Variants in BCL11A observed in about 807,000 individuals in gnomAD.
The protein encoded by BCL11A is B cell CLL/lymphoma 11A.
A neutral mutation model predicts 55.9 loss-of-function variants in BCL11A; 2 were observed. The observed-to-expected ratio is 0.04, with a 90% confidence interval of 0.01 to 0.11. BCL11A has a LOEUF of 0.11. Among genes scored for constraint, BCL11A ranks in the 10% least tolerant of loss-of-function variants. The probability of loss-of-function intolerance (pLI) is 1.00; values close to 1 mark genes in which losing one functional copy is unlikely to be tolerated. For missense variants in BCL11A, 817 were observed against 1,137.1 expected (o/e 0.72, Z 4.05); for synonymous variants, 465 against 473.4 (o/e 0.98, Z 0.23).
chr2:60,461,324 G>GCGAGAA lies in BCL11A; in HGVS notation c.1587_1588insTTCTCG (p.Ser529_Arg530insPheSer), dbSNP rs1280615138. On this transcript the variant is annotated inframe_insertion, in exon 4 of 4. Coordinates refer to ENST00000642384, the MANE Select transcript of BCL11A (RefSeq NM_022893.4). ...TCGCCCACGCCCACGACCGCGCCCC[G>GCGAGAA]CGAGCTGTTCTCGTGGTGGCGCGCC... is the stretch of plus-strand genomic sequence containing the variant. 1 of 1,598,940 alleles carries GCGAGAA rather than the reference G, an allele frequency of 6.3e-7. No homozygotes were observed. Among genetic ancestry groups the GCGAGAA allele is most frequent in the Non-Finnish European group, 8.5e-7 (1 of 1,177,542 alleles).
At chr2:60,528,809 T>G (rs1669320720) in intron 2 of BCL11A, among the ~76,000 whole-genome samples, 1 of 139,898 alleles carries the variant, frequency 7.1e-6, no homozygotes, top group Admixed American at 6.8e-5. Flanking sequence ...AGACACATGG[T>G]AATAATGACA....
Position 60,458,290 on chromosome 2 carries a change from A to G in BCL11A, c.*2114T>C. Reference sequence around the variant, plus strand: ...CCAATGTATGTTTTTTTTTTTTACAACCTGAAGAGCGGTGTGTATCCAAGG... The same window carrying G: ...CCAATGTATGTTTTTTTTTTTTACAGCCTGAAGAGCGGTGTGTATCCAAGG... On this transcript the variant is annotated 3_prime_UTR_variant, in exon 4 of 4. Coordinates refer to ENST00000642384, the MANE Select transcript of BCL11A (RefSeq NM_022893.4). The G allele has an allele frequency of 9.7e-7, 1 of 1,026,394 alleles. No individual in the cohort carries two copies. Among genetic ancestry groups the G allele is most frequent in the Non-Finnish European group, 1.2e-6 (1 of 854,214 alleles). The allele number at this position is 1,026,394 out of a possible 1,614,324, so 63.6% of individuals were successfully genotyped here.
Position 60,459,859 on chromosome 2 carries a change from A to T in BCL11A, c.*545T>A. 2.9e-6 allele frequency: 3 copies of T among 1,046,686 alleles called. No homozygotes were observed. Among genetic ancestry groups the T allele is most frequent in the Non-Finnish European group, 3.5e-6 (3 of 867,428 alleles). 64.8% of individuals were successfully genotyped at this position (1,046,686 alleles called of 1,614,324 possible). A position where few individuals can be genotyped will look rare whatever the true frequency, so the allele number is the denominator to read the frequency against. ...CTGTCTATAGAGGGTTAATCCAAAG[A>T]CTGTTTTTCCTCCTCACGTTATAAA... is the stretch of plus-strand genomic sequence containing the variant. On this transcript the variant is annotated 3_prime_UTR_variant, in exon 4 of 4. Transcript: ENST00000642384.
At chr2:60,536,082 T>A (rs1669657075) in intron 2 of BCL11A, 1 of 152,154 alleles carries the variant, frequency 6.6e-6, no homozygotes. Flanking sequence ...CTATCTCAGC[T>A]GGTGTGCAAG....
intron 2 of BCL11A, among the ~76,000 whole-genome samples, chr2:60,472,827 T>TAA: frequency 6.6e-6 from 1 of 152,248 alleles, no homozygotes; most frequent in East Asian, 1.9e-4. Flanking sequence ...AATCAACAGG[T>TAA]AATACTGCAG....
chr2:60,493,657 T>C (rs979092762), intron 2 of BCL11A, among the ~76,000 whole-genome samples: 2 of 152,062 alleles, frequency 1.3e-5, no homozygotes, highest in African/African-American at 4.8e-5. Context: ...CCCCACTAGC[T>C]CAGAAATGGA....
chr2:60,457,743 G>A lies in BCL11A; in HGVS notation c.*2661C>T, dbSNP rs1676012886. On this transcript the variant is annotated 3_prime_UTR_variant, in exon 4 of 4. Transcript: ENST00000642384. ...TGAAGGTAAGATGCTGGAATGTAGG[G>A]TGATAGAAGGAAAGGGACAAAAAGC... 4 of 1,034,966 alleles carry A rather than the reference G, an allele frequency of 3.9e-6. No individual in the cohort carries two copies. The highest frequency in any genetic ancestry group is 5.7e-5 in the Admixed American group (1 of 17,580). The allele number at this position is 1,034,966 out of a possible 1,614,324, so 64.1% of individuals were successfully genotyped here. A position where few individuals can be genotyped will look rare whatever the true frequency, so the allele number is the denominator to read the frequency against.
At chr2:60,497,440 G>T (rs1203239868) in intron 2 of BCL11A, among the ~76,000 whole-genome samples, 1 of 152,118 alleles carries the variant, frequency 6.6e-6, no homozygotes, top group African/African-American at 2.4e-5. Context: ...GCAGGCCAAG[G>T]ATATATGAGA....
chr2:60,470,531 T>A (rs1677139774), intron 2 of BCL11A, among the ~76,000 whole-genome samples: 1 of 152,212 alleles, frequency 6.6e-6, no homozygotes, highest in Non-Finnish European at 1.5e-5. Flanking sequence ...CAACAGGTAC[T>A]TGGATCCTTG....
intron 2 of BCL11A, among the ~76,000 whole-genome samples, chr2:60,485,297 C>T (rs562078528): frequency 6.6e-6 from 1 of 152,304 alleles, no homozygotes; most frequent in South Asian, 2.1e-4. Context: ...GGCACAGTGA[C>T]CAGGTAGGGT....
At chr2:60,536,435 G>C (rs900491794) in intron 2 of BCL11A, 7 of 152,148 alleles carry the variant, frequency 4.6e-5, no homozygotes, top group Non-Finnish European at 8.8e-5. Flanking sequence ...GAGCTGCATG[G>C]AACCCACATC....
At chr2:60,493,081 C>A (rs113246475) in intron 2 of BCL11A, among the ~76,000 whole-genome samples, 17 of 152,172 alleles carry the variant, frequency 1.1e-4, no homozygotes, top group African/African-American at 4.1e-4. Context: ...TGGACTCATA[C>A]AGGATATCGT....
chr2:60,539,321 A>G (rs1228989327), intron 2 of BCL11A, among the ~76,000 whole-genome samples: 1 of 152,240 alleles, frequency 6.6e-6, no homozygotes, highest in Non-Finnish European at 1.5e-5. Flanking sequence ...AGGCAAATGA[A>G]GCTCACCTAT....
chr2:60,542,174 T>G (rs950719580), intron 2 of BCL11A: 2 of 321,232 alleles, frequency 6.2e-6, no homozygotes, highest in Non-Finnish European at 1.1e-5. Context: ...AGAAAAAATG[T>G]TATATATCAA....
intron 2 of BCL11A, chr2:60,537,812 G>T (rs1249006930): frequency 6.6e-6 from 1 of 152,206 alleles, no homozygotes. Flanking sequence ...AGGCGAGGTA[G>T]GTATACAACA....
intron 2 of BCL11A, among the ~76,000 whole-genome samples, chr2:60,500,515 C>T (rs2104399513): frequency 6.6e-6 from 1 of 152,160 alleles, no homozygotes; most frequent in South Asian, 2.1e-4. Flanking sequence ...AAGGAGAGCC[C>T]CTGAGAAAAA....
At chr2:60,523,648 G>C (rs1389415023) in intron 2 of BCL11A, among the ~76,000 whole-genome samples, 1 of 150,418 alleles carries the variant, frequency 6.6e-6, no homozygotes. Flanking sequence ...GATGTGTTTG[G>C]GGATTTTTTT....
intron 3 of BCL11A, among the ~76,000 whole-genome samples, chr2:60,463,470 A>G (rs1676435320): frequency 6.6e-6 from 1 of 152,242 alleles, no homozygotes; most frequent in Non-Finnish European, 1.5e-5. Flanking sequence ...CAGTTGAGAA[A>G]GAAACAGAAA....
intron 2 of BCL11A, among the ~76,000 whole-genome samples, chr2:60,541,222 T>C (rs1669913114): frequency 1.0e-5 from 1 of 97,956 alleles, no homozygotes; most frequent in Non-Finnish European, 2.5e-5. Flanking sequence ...TCTCAAAACA[T>C]TATTTATAAA....
Sources: gnomAD v4.1 joint callset for allele counts (sites outside exome capture counted in the v4.1 genomes callset) on GRCh38, gnomAD v4.1.1 for gene constraint, MANE v1.5 for transcripts, NCBI Gene and HGNC (gene_info 2026-07-23, HGNC 2026-07-21) for gene names.